SUGCT: variants seen among roughly 807,000 people sequenced by gnomAD.
SUGCT encodes succinyl-CoA:glutarate CoA-transferase.
A neutral mutation model predicts 55.0 loss-of-function variants in SUGCT; 41 were observed. The observed-to-expected ratio is 0.74, with a 90% confidence interval of 0.58 to 0.97. The LOEUF (loss-of-function observed/expected upper bound fraction) is 0.97, where lower values mean the gene tolerates loss of function less well. Ranked by LOEUF, SUGCT falls within the 50% of genes least tolerant of loss-of-function variation. SUGCT has a pLI of 0.00. For synonymous variants in SUGCT, 187 were observed against 200.4 expected, an observed-to-expected ratio of 0.93 and a Z score of 0.56; for missense variants, 568 against 547.8, an observed-to-expected ratio of 1.04 and a Z score of -0.37.
the SUGCT span, among the ~76,000 whole-genome samples, chr7:40,867,157 G>C: frequency 6.7e-6 from 1 of 148,232 alleles, no homozygotes; most frequent in African/African-American, 2.5e-5. Flanking sequence ...TATAAAATAA[G>C]ATTAATATAT....
At chr7:41,003,406 G>A in the SUGCT span, among the ~76,000 whole-genome samples, 5 of 152,140 alleles carry the variant, frequency 3.3e-5, no homozygotes, top group Admixed American at 3.3e-4. Context: ...ATTTGGGTAA[G>A]CAAATAAAAC....
chr7:40,152,512 A>G, intron 1 of SUGCT: 1 of 212,732 alleles, frequency 4.7e-6, no homozygotes, highest in African/African-American at 2.3e-5. Flanking sequence ...GACCATGGCA[A>G]GATATATTTT....
intron 13 of SUGCT, among the ~76,000 whole-genome samples, chr7:40,774,025 G>A (rs1789324140): frequency 6.6e-6 from 1 of 152,054 alleles, no homozygotes; most frequent in Admixed American, 6.6e-5. Flanking sequence ...GTGTTATGAG[G>A]GCAAATACAC....
intron 6 of SUGCT, among the ~76,000 whole-genome samples, chr7:40,229,362 T>G (rs1788582409): frequency 6.6e-6 from 1 of 151,762 alleles, no homozygotes; most frequent in African/African-American, 2.4e-5. Context: ...CTACTAAAAA[T>G]ACAAACATTA....
chr7:40,502,406 A>T (rs1792334301), intron 12 of SUGCT, among the ~76,000 whole-genome samples: 1 of 152,228 alleles, frequency 6.6e-6, no homozygotes, highest in Admixed American at 6.5e-5. Flanking sequence ...AAAGCAGTTT[A>T]GCACAGTGCT....
intron 12 of SUGCT, chr7:40,499,185 G>C (rs1204789178): frequency 6.6e-6 from 3 of 454,532 alleles, no homozygotes; most frequent in Non-Finnish European, 1.3e-5. Context: ...TGCTTTGGGT[G>C]AAGTACAAGG....
intron 13 of SUGCT, among the ~76,000 whole-genome samples, chr7:40,760,404 CAGAA>C (rs1213144628): frequency 1.3e-5 from 2 of 151,998 alleles, no homozygotes; most frequent in African/African-American, 4.8e-5. Flanking sequence ...GTCATAGACA[CAGAA>C]AGTAGAATAG....
At chr7:40,278,971 C>T (rs1029426312) in intron 8 of SUGCT, among the ~76,000 whole-genome samples, 2 of 151,206 alleles carry the variant, frequency 1.3e-5, no homozygotes, top group East Asian at 2.0e-4. Context: ...GGACTACAGG[C>T]GTATGACCTT....
At chr7:40,978,308 A>T in the SUGCT span, among the ~76,000 whole-genome samples, 1 of 152,344 alleles carries the variant, frequency 6.6e-6, no homozygotes, top group East Asian at 1.9e-4. Context: ...CAAGTCAGGC[A>T]GGGGTTGCTC....
intron 12 of SUGCT, among the ~76,000 whole-genome samples, chr7:40,686,734 G>C (rs1784485681): frequency 6.6e-6 from 1 of 152,152 alleles, no homozygotes; most frequent in Admixed American, 6.5e-5. Context: ...TTTGTTCTAG[G>C]AGCTCAGTCA....
At chr7:40,921,561 C>T in the SUGCT span, among the ~76,000 whole-genome samples, 4 of 152,214 alleles carry the variant, frequency 2.6e-5, no homozygotes, top group Admixed American at 2.0e-4. Flanking sequence ...ATACTCTTCA[C>T]CTCGAAGAAC....
rs532042509 is a variant in SUGCT, at chr7:40,170,048, C to T, written c.101-10899C>T. Among the ~76,000 whole-genome samples, 20 of 152,308 alleles carry T rather than the reference C, an allele frequency of 1.3e-4. No homozygotes were observed. In the East Asian group the frequency reaches 3.7e-3, roughly 28 times the overall value. On this transcript the variant is annotated intron_variant, in intron 1 of 13. Transcript: ENST00000335693. ...ACATCATTGAATAATTTATAGGCTT[C>T]TTCCTAATTTTCCTTAGTCCTTCTG...
chr7:40,535,261 G>A (rs934837024), intron 12 of SUGCT, among the ~76,000 whole-genome samples: 1 of 152,048 alleles, frequency 6.6e-6, no homozygotes, highest in Non-Finnish European at 1.5e-5. Context: ...TCCATCAGCC[G>A]GGTGCTGAGC....
chr7:40,407,173 A>G (rs911708521), intron 9 of SUGCT, among the ~76,000 whole-genome samples: 2 of 152,166 alleles, frequency 1.3e-5, no homozygotes, highest in East Asian at 3.8e-4. Flanking sequence ...AATGCTTGCA[A>G]TTCACCTTAT....
At chr7:40,833,094 C>A (rs1792782949) in intron 13 of SUGCT, among the ~76,000 whole-genome samples, 1 of 151,932 alleles carries the variant, frequency 6.6e-6, no homozygotes. Flanking sequence ...TTCAGCAGTC[C>A]ATTTTTTCTT....
chr7:40,898,480 CGGGGGGGGGGGGG>C, the SUGCT span, among the ~76,000 whole-genome samples: 1 of 5,722 alleles, frequency 1.7e-4, no homozygotes, highest in Non-Finnish European at 4.4e-4. Flanking sequence ...TCCGGGAGGT[CGGGGGGGGGGGGG>C]GGGGTGGATC....
chr7:40,974,185 G>A, the SUGCT span, among the ~76,000 whole-genome samples: 1 of 152,150 alleles, frequency 6.6e-6, no homozygotes, highest in South Asian at 2.1e-4. Flanking sequence ...ATCTTGTGGT[G>A]TTGTTCACAT....
At chr7:40,740,549 A>G (rs974022523) in intron 12 of SUGCT, among the ~76,000 whole-genome samples, 1 of 149,812 alleles carries the variant, frequency 6.7e-6, no homozygotes, top group Non-Finnish European at 1.5e-5. Context: ...TTTATTTTTA[A>G]TTTTTATTAT....
In SUGCT at chr7:40,673,053, A is replaced by G. The variant is rs891477728; in HGVS notation, c.1090-76381A>G. On this transcript the variant is annotated intron_variant, in intron 12 of 13. Coordinates refer to ENST00000335693, the MANE Select transcript of SUGCT (RefSeq NM_001193313.2). ...TCCAGAATTTCAGTATTTACTTTTAAACCACAATATTTAGATCTCTATCAA... is the reference window on the plus strand; with the variant it reads ...TCCAGAATTTCAGTATTTACTTTTAGACCACAATATTTAGATCTCTATCAA... 1.3e-5 allele frequency among the ~76,000 whole-genome samples: 2 copies of G among 152,178 alleles called. 1 individual carries two copies. The highest frequency in any genetic ancestry group is 3.8e-4 in the East Asian group (2 of 5,196).
Sources: gnomAD v4.1 joint callset for allele counts (sites outside exome capture counted in the v4.1 genomes callset) on GRCh38, gnomAD v4.1.1 for gene constraint, MANE v1.5 for transcripts, NCBI Gene and HGNC (gene_info 2026-07-23, HGNC 2026-07-21) for gene names.